The following CAMK1D variants were observed in gnomAD, a reference collection of about 807,000 sequenced individuals.
CAMK1D encodes calcium/calmodulin dependent protein kinase ID, also known as calcium/calmodulin-dependent protein kinase type 1D.
A neutral mutation model predicts 47.7 loss-of-function variants in CAMK1D; 9 were observed. The observed-to-expected ratio is 0.19, with a 90% CI of 0.11 to 0.33. The LOEUF (loss-of-function observed/expected upper bound fraction) is 0.33. Ranked by LOEUF, CAMK1D falls within the 10% of genes least tolerant of loss-of-function variation. CAMK1D has a pLI of 1.00. For synonymous variants in CAMK1D, 184 were observed against 184.9 expected (o/e 0.99, Z 0.04); for missense variants, 291 against 488.7 (o/e 0.60, Z 3.81).
intron 3 of CAMK1D, among the ~76,000 whole-genome samples, chr10:12,743,931 G>C (rs534450191): frequency 2.0e-5 from 3 of 152,052 alleles, no homozygotes; most frequent in African/African-American, 7.2e-5. Flanking sequence ...GCTGAAACAG[G>C]AGAATGGCTT....
intron 2 of CAMK1D, among the ~76,000 whole-genome samples, chr10:12,634,531 G>A (rs1159901031): frequency 6.6e-6 from 1 of 152,116 alleles, no homozygotes; most frequent in Non-Finnish European, 1.5e-5. Context: ...ATGGCTTAGT[G>A]GTGTGGGGAC....
At chr10:12,560,275 G>A (rs1041576512) in intron 2 of CAMK1D, among the ~76,000 whole-genome samples, 4 of 152,032 alleles carry the variant, frequency 2.6e-5, no homozygotes, top group South Asian at 2.1e-4. Context: ...ATTGGGGTCC[G>A]GGCGCGGTGG....
At position 12,721,279 on chromosome 10, in the gene CAMK1D, A is replaced by G. The variant is rs1834363245; in HGVS notation, c.300-39669A>G. On this transcript the variant is annotated intron_variant, in intron 3 of 10. Transcript: ENST00000619168. The stretch of plus-strand genomic sequence containing the variant: ...CAGGCTTTTTTCTCACTTAATGGAC[A>G]GCCTTGATGAGGGCTAGCAATTTCT... Among the ~76,000 whole-genome samples the G allele has an allele frequency of 2.0e-5, 3 of 152,354 alleles. No individual in the cohort carries two copies. The South Asian group carries it at 6.2e-4, about 32-fold the overall frequency.
Position 12,349,926 on chromosome 10 carries a change from G to C in CAMK1D, c.92+16G>C. 4 of 1,502,640 alleles carry C rather than the reference G, an allele frequency of 2.7e-6. No individual in the cohort carries two copies. The highest frequency in any genetic ancestry group is 5.6e-5 in the East Asian group (2 of 35,572). The allele number at this position is 1,502,640 out of a possible 1,614,324, so 93.1% of individuals were successfully genotyped here. ...CCCTCGGAACGTAAGTGGGGACCGG[G>C]GAGGCGAGGGTGGAGGTGGCCGCGG... On this transcript the variant is annotated intron_variant, in intron 1 of 10. Transcript: ENST00000619168.
rs549833099 is a variant in CAMK1D at position 12,498,704 on chromosome 10, C to T, written c.93-54521C>T. 5.3e-5 allele frequency among the ~76,000 whole-genome samples: 8 copies of T among 152,078 alleles called. 1 individual carries two copies. The East Asian group carries it at 5.8e-4, about 11-fold the overall frequency. On this transcript the variant is annotated intron_variant, in intron 1 of 10. Coordinates refer to ENST00000619168, the MANE Select transcript of CAMK1D (RefSeq NM_153498.4). The stretch of plus-strand genomic sequence containing the variant: ...GAGGGAGTTGGGTTGTGGGGAGTGA[C>T]GGGGAAGCAGACCTCCAAGGTGAGA...
intron 1 of CAMK1D, among the ~76,000 whole-genome samples, chr10:12,501,485 G>T (rs979425797): frequency 6.6e-6 from 1 of 152,200 alleles, no homozygotes; most frequent in African/African-American, 2.4e-5. Context: ...GCTCATTCCT[G>T]TGTTCATTCC....
At chr10:12,457,021 A>G (rs1488680008) in intron 1 of CAMK1D, among the ~76,000 whole-genome samples, 1 of 152,186 alleles carries the variant, frequency 6.6e-6, no homozygotes, top group African/African-American at 2.4e-5. Context: ...CCATCAGTCA[A>G]TAAGGGACTG....
At chr10:12,614,852 C>G (rs1838735008) in intron 2 of CAMK1D, among the ~76,000 whole-genome samples, 1 of 152,154 alleles carries the variant, frequency 6.6e-6, no homozygotes, top group Non-Finnish European at 1.5e-5. Flanking sequence ...ACCAGCCATA[C>G]CAGCTATTGT....
chr10:12,747,157 G>A (rs1320491272), intron 3 of CAMK1D, among the ~76,000 whole-genome samples: 6 of 152,040 alleles, frequency 3.9e-5, no homozygotes, highest in African/African-American at 2.4e-5. Context: ...TCAGCTTCCC[G>A]AGTAGCTGGG....
chr10:12,735,483 A>G (rs912304743), intron 3 of CAMK1D, among the ~76,000 whole-genome samples: 1 of 152,210 alleles, frequency 6.6e-6, no homozygotes, highest in African/African-American at 2.4e-5. Flanking sequence ...GTCTCAAAAA[A>G]AAAAGAAAAG....
Position 12,652,583 on chromosome 10 carries a change from A to G in CAMK1D, c.225-14153A>G, listed in dbSNP as rs1341638961. Among the ~76,000 whole-genome samples, 18 of 152,110 alleles carry G rather than the reference A, an allele frequency of 1.2e-4. No homozygotes were observed. The East Asian group carries it at 2.9e-3, about 25-fold the overall frequency. ...AGCCTGGGCGACAGAGCGAGACTCC[A>G]TCTCGAAAAAAAAAAGAAAGAAAGA... On this transcript the variant is annotated intron_variant, in intron 2 of 10. Coordinates refer to ENST00000619168, the MANE Select transcript of CAMK1D (RefSeq NM_153498.4).
chr10:12,561,090 A>AT (rs1002229485), intron 2 of CAMK1D, among the ~76,000 whole-genome samples: 3 of 151,268 alleles, frequency 2.0e-5, no homozygotes, highest in Non-Finnish European at 4.4e-5. Flanking sequence ...ATTGTTTTGT[A>AT]TTTTTTTTAA....
chr10:12,521,151 C>T (rs895736385), intron 1 of CAMK1D, among the ~76,000 whole-genome samples: 2 of 151,796 alleles, frequency 1.3e-5, no homozygotes, highest in Non-Finnish European at 2.9e-5. Flanking sequence ...ATGTTCTTTC[C>T]TTCTGCCAAA....
At chr10:12,682,865 T>C (rs1832498899) in intron 3 of CAMK1D, among the ~76,000 whole-genome samples, 1 of 152,118 alleles carries the variant, frequency 6.6e-6, no homozygotes, top group Non-Finnish European at 1.5e-5. Context: ...TTTTTTGCTT[T>C]AACAGAAAGT....
rs547364153 is a variant in CAMK1D, at chr10:12,361,421, A to G, written c.92+11511A>G. On this transcript the variant is annotated intron_variant, in intron 1 of 10. Coordinates refer to ENST00000619168, the MANE Select transcript of CAMK1D (RefSeq NM_153498.4). ...ACCACCACACCCAGCTAATTTTTGT[A>G]CTTTTAGTAGAGACGGGGTTTTACC... Among the ~76,000 whole-genome samples, 7 of 150,934 alleles carry G rather than the reference A, an allele frequency of 4.6e-5. No homozygotes were observed. The South Asian group carries it at 1.5e-3, about 32-fold the overall frequency.
At chr10:12,535,945 C>A (rs1236842484) in intron 1 of CAMK1D, among the ~76,000 whole-genome samples, 1 of 152,100 alleles carries the variant, frequency 6.6e-6, no homozygotes, top group Non-Finnish European at 1.5e-5. Context: ...GTACCTTTCC[C>A]TGGGCTTAAC....
At chr10:12,755,002 G>A (rs1035244472) in intron 3 of CAMK1D, among the ~76,000 whole-genome samples, 9 of 152,164 alleles carry the variant, frequency 5.9e-5, no homozygotes, top group African/African-American at 2.2e-4. Context: ...GAATCAGAGT[G>A]TAACCGAATA....
intron 1 of CAMK1D, among the ~76,000 whole-genome samples, chr10:12,440,839 T>C (rs1176043503): frequency 6.6e-6 from 1 of 152,216 alleles, no homozygotes; most frequent in Non-Finnish European, 1.5e-5. Context: ...AAATACAGCA[T>C]CTTGGCATAC....
chr10:12,671,265 T>C (rs186074649), intron 3 of CAMK1D, among the ~76,000 whole-genome samples: 46 of 152,340 alleles, frequency 3.0e-4, no homozygotes, highest in Admixed American at 2.7e-3. Flanking sequence ...GGCATTTTCA[T>C]GTACAGCTTC....
Sources: gnomAD v4.1 joint callset for allele counts (sites outside exome capture counted in the v4.1 genomes callset) on GRCh38, gnomAD v4.1.1 for gene constraint, MANE v1.5 for transcripts, NCBI Gene and HGNC (gene_info 2026-07-23, HGNC 2026-07-21) for gene names.